Variants in DCAF8L2 observed in about 807,000 individuals in gnomAD.
DCAF8L2 encodes the protein DDB1 and CUL4 associated factor 8 like 2, also known as DDB1- and CUL4-associated factor 8-like protein 2.
For synonymous variants in DCAF8L2, 200 were observed against 190.9 expected, an observed-to-expected ratio of 1.05 and a Z score of -0.39; for missense variants, 430 against 490.7, an observed-to-expected ratio of 0.88 and a Z score of 1.17.
At chrX:27,662,249 C>T (rs1045938187) in intron 2 of DCAF8L2, among the ~76,000 whole-genome samples, 1 of 110,882 alleles carries the variant, frequency 9.0e-6, no homozygotes, top group East Asian at 2.8e-4. Context: ...TAGAAGTTAT[C>T]CATAGGGATA....
At chrX:27,510,706 T>C in the DCAF8L2 span, among the ~76,000 whole-genome samples, 1 of 110,356 alleles carries the variant, frequency 9.1e-6, no homozygotes, top group Non-Finnish European at 1.9e-5. Context: ...TGAATTCTTA[T>C]TATCATAGAA....
chrX:27,469,582 T>A, the DCAF8L2 span, among the ~76,000 whole-genome samples: 3 of 111,672 alleles, frequency 2.7e-5, no homozygotes, highest in Admixed American at 9.6e-5. Flanking sequence ...GCCTTGAATA[T>A]GTTTGATGTC....
rs1349322251 is a variant in DCAF8L2, at chrX:27,748,949, CTACTT to C, written c.*160_*164del. 1.5e-6 allele frequency: 1 copy of C among 651,707 alleles called. No individual in the cohort carries two copies. Among genetic ancestry groups the C allele is most frequent in the Non-Finnish European group, 2.2e-6 (1 of 456,385 alleles). The allele number at this position is 651,707 out of a possible 1,213,427, so 53.7% of individuals were successfully genotyped here. On this transcript the variant is annotated 3_prime_UTR_variant, in exon 5 of 5. Transcript: ENST00000451261. Reference sequence around the variant, plus strand: ...AACCGTCTCTTCCATTCCTTCCTCTCTACTTTCCTTTCTTTCTTCCACACATTCTT... The same window carrying C: ...AACCGTCTCTTCCATTCCTTCCTCTCTCCTTTCTTTCTTCCACACATTCTT...
chrX:27,640,872 T>C (rs1219229724), intron 2 of DCAF8L2, among the ~76,000 whole-genome samples: 1 of 112,063 alleles, frequency 8.9e-6, no homozygotes, highest in Non-Finnish European at 1.9e-5. Context: ...CTAATGATGT[T>C]CATATACATT....
chrX:27,473,728 C>T, the DCAF8L2 span, among the ~76,000 whole-genome samples: 6 of 110,516 alleles, frequency 5.4e-5, no homozygotes, highest in African/African-American at 1.6e-4. Flanking sequence ...TACAGTAATT[C>T]TAAATATCTT....
chrX:27,554,753 C>T, the DCAF8L2 span, among the ~76,000 whole-genome samples: 1 of 111,207 alleles, frequency 9.0e-6, no homozygotes, highest in East Asian at 2.8e-4. Flanking sequence ...AATTTCTTAC[C>T]ACGAGATTAC....
At chrX:27,592,417 G>GTTTTTTTTTTT (rs1248208449) in intron 1 of DCAF8L2, among the ~76,000 whole-genome samples, 3 of 83,950 alleles carry the variant, frequency 3.6e-5, no homozygotes, top group Non-Finnish European at 4.4e-5. Flanking sequence ...GTTTGTTTTT[G>GTTTTTTTTTTT]TTTTTTTTTT....
intron 1 of DCAF8L2, among the ~76,000 whole-genome samples, chrX:27,602,325 G>C (rs1439304547): frequency 3.6e-5 from 4 of 111,691 alleles, no homozygotes; most frequent in African/African-American, 1.3e-4. Flanking sequence ...GTGAGCCACC[G>C]CGCCTGGCTG....
the DCAF8L2 span, among the ~76,000 whole-genome samples, chrX:27,548,131 G>A: frequency 9.1e-6 from 1 of 110,318 alleles, no homozygotes; most frequent in Non-Finnish European, 1.9e-5. Flanking sequence ...AGGGAGTAAG[G>A]GAGAATTGAC....
chrX:27,485,924 C>CTTTTTTT, the DCAF8L2 span, among the ~76,000 whole-genome samples: 8 of 58,825 alleles, frequency 1.4e-4, no homozygotes, highest in East Asian at 1.4e-3. Flanking sequence ...TTCTTTTTCT[C>CTTTTTTT]TTTTTTTTTT....
rs538503786 is a variant in DCAF8L2, at chrX:27,714,496, A to T, written c.-142-1592A>T. Reference sequence around the variant, plus strand: ...CTTTCCCAGCCATTTTTTAACTTCAAAAACTTTTCTCTAAATATGCTTAGT... The same window carrying T: ...CTTTCCCAGCCATTTTTTAACTTCATAAACTTTTCTCTAAATATGCTTAGT... On this transcript the variant is annotated intron_variant, in intron 3 of 4. Coordinates refer to ENST00000451261, the MANE Select transcript of DCAF8L2 (RefSeq NM_001353450.2). Among the ~76,000 whole-genome samples the T allele has an allele frequency of 6.3e-5, 7 of 111,776 alleles. No individual in the cohort carries two copies. In the South Asian group the frequency reaches 2.6e-3, roughly 42 times the overall value.
At chrX:27,542,346 C>T in the DCAF8L2 span, among the ~76,000 whole-genome samples, 1 of 110,792 alleles carries the variant, frequency 9.0e-6, no homozygotes, top group Non-Finnish European at 1.9e-5. Context: ...CTTTTCTCTG[C>T]AGCCTCACCA....
the DCAF8L2 span, among the ~76,000 whole-genome samples, chrX:27,514,206 G>C: frequency 2.4e-4 from 18 of 74,217 alleles, no homozygotes; most frequent in Admixed American, 3.7e-4. Flanking sequence ...ATATGTACAT[G>C]TATGTGTGCT....
At chrX:27,550,389 T>G in the DCAF8L2 span, among the ~76,000 whole-genome samples, 3 of 110,957 alleles carry the variant, frequency 2.7e-5, no homozygotes, top group East Asian at 8.5e-4. Context: ...TGTTTGTAAA[T>G]TTGTTTATGT....
In DCAF8L2 at chrX:27,748,957, C is replaced by T. The variant is rs1268001974; in HGVS notation, c.*166C>T. 7 of 616,636 alleles carry T rather than the reference C, an allele frequency of 1.1e-5. No individual in the cohort carries two copies. In the African/African-American group the frequency reaches 1.6e-4, roughly 14 times the overall value. The allele number at this position is 616,636 out of a possible 1,213,427, so 50.8% of individuals were successfully genotyped here. On this transcript the variant is annotated 3_prime_UTR_variant, in exon 5 of 5. Coordinates refer to ENST00000451261, the MANE Select transcript of DCAF8L2 (RefSeq NM_001353450.2). ...CTTCCATTCCTTCCTCTCTACTTTCCTTTCTTTCTTCCACACATTCTTTCT... is the reference window on the plus strand; with the variant it reads ...CTTCCATTCCTTCCTCTCTACTTTCTTTTCTTTCTTCCACACATTCTTTCT...
the DCAF8L2 span, among the ~76,000 whole-genome samples, chrX:27,499,739 A>C: frequency 9.0e-6 from 1 of 110,679 alleles, no homozygotes; most frequent in Non-Finnish European, 1.9e-5. Flanking sequence ...CTCTATCATG[A>C]GTCAGCAAGG....
intron 4 of DCAF8L2, among the ~76,000 whole-genome samples, chrX:27,723,905 G>A (rs58479004): frequency 7.8e-4 from 86 of 110,534 alleles, no homozygotes; most frequent in African/African-American, 2.6e-3. Flanking sequence ...TAGCGTTTAT[G>A]TACCAAGATA....
the DCAF8L2 span, among the ~76,000 whole-genome samples, chrX:27,478,638 C>A: frequency 1.8e-5 from 2 of 111,336 alleles, no homozygotes; most frequent in Non-Finnish European, 3.8e-5. Flanking sequence ...AAACATAATC[C>A]CCTCTTTTTA....
At position 27,748,476 on chromosome X, in the gene DCAF8L2, G is replaced by C. The variant is rs773895587; in HGVS notation, c.1581G>C (p.Val527=). ...NCLEPHPYLP[V]LACSGLDHDV... ...TTGAACCCCACCCTTACCTACCTGT[G>C]TTGGCGTGCAGTGGCCTAGATCATG... The change falls in exon 5 of 5, where the codon GTG becomes GTC. Residue 527 remains valine (V), a synonymous_variant. Coordinates refer to ENST00000451261, the MANE Select transcript of DCAF8L2 (RefSeq NM_001353450.2). 2.3e-5 allele frequency: 28 copies of C among 1,208,146 alleles called. No individual in the cohort carries two copies. Among genetic ancestry groups the C allele is most frequent in the Non-Finnish European group, 2.9e-5 (26 of 894,059 alleles).
Sources: allele counts gnomAD v4.1 joint callset (sites outside exome capture counted in the v4.1 genomes callset), GRCh38; gene constraint gnomAD v4.1.1; transcripts MANE v1.5; gene names NCBI Gene and HGNC (gene_info 2026-07-23, HGNC 2026-07-21).